PRDX3: variants seen among roughly 807,000 people sequenced by gnomAD.
The protein encoded by PRDX3 is thioredoxin-dependent peroxide reductase, mitochondrial.
PRDX3 carries 20 observed loss-of-function variants against 30.4 expected under a neutral mutation model. That is an observed-to-expected ratio of 0.66 (90% confidence interval 0.46 to 0.96). The LOEUF is 0.96. Among genes scored for constraint, PRDX3 ranks in the 40% least tolerant of loss-of-function variants. PRDX3 has a pLI of 0.00. For synonymous variants in PRDX3, 124 were observed against 117.8 expected (o/e 1.05, Z -0.34); for missense variants, 322 against 318.3 (o/e 1.01, Z -0.09).
Position 119,178,812 on chromosome 10 carries a change from C to A in PRDX3, c.-22G>T. The A allele has an allele frequency of 6.8e-7, 1 of 1,476,758 alleles. No individual in the cohort carries two copies. The highest frequency in any genetic ancestry group is 9.1e-7 in the Non-Finnish European group (1 of 1,102,426). 91.5% of individuals were successfully genotyped at this position (1,476,758 alleles called of 1,614,324 possible). On this transcript the variant is annotated 5_prime_UTR_variant, in exon 1 of 7. Transcript: ENST00000298510. ...CCATCTTCAGTGCACTCGGGCGCCACGGGGCGGGCAGAGACGCAGGGGCGG... is the reference window on the plus strand; with the variant it reads ...CCATCTTCAGTGCACTCGGGCGCCAAGGGGCGGGCAGAGACGCAGGGGCGG...
intron 3 of PRDX3, 99 bp downstream of exon 3, chr10:119,174,352 C>A: frequency 7.4e-7 from 1 of 1,355,130 alleles, no homozygotes; most frequent in Non-Finnish European, 1.0e-6. Context: ...AAGAATCCTT[C>A]CTTTCACAAG....
rs1186287015 is a variant in PRDX3 at position 119,174,505 on chromosome 10, C to T, written c.257G>A (p.Ser86Asn). 1.9e-6 allele frequency: 3 copies of T among 1,612,628 alleles called. No homozygotes were observed. Among genetic ancestry groups the T allele is most frequent in the Non-Finnish European group, 2.5e-6 (3 of 1,179,530 alleles). ...AVVNGEFKDL[S>N]LDDFKGKYLV... Reference sequence around the variant, plus strand: ...ATATTTCCCCTTAAAGTCATCAAGGCTTAGGTCTTTGAACTCTCCATTGAC... The same window carrying T: ...ATATTTCCCCTTAAAGTCATCAAGGTTTAGGTCTTTGAACTCTCCATTGAC... The change falls in exon 3 of 7, where the codon AGC becomes AAC. Residue 86 changes from serine to asparagine, a missense_variant. Coordinates refer to ENST00000298510, the MANE Select transcript of PRDX3 (RefSeq NM_006793.5).
chr10:119,177,717 G>T (rs532854432), intron 1 of PRDX3, among the ~76,000 whole-genome samples: 2 of 148,704 alleles, frequency 1.3e-5, no homozygotes, highest in African/African-American at 2.5e-5. Context: ...GAAGCCAGGG[G>T]ACTTGTGCAG....
At position 119,173,233 on chromosome 10, in the gene PRDX3, C is replaced by T. The variant is rs545326713; in HGVS notation, c.447+504G>A. Among the ~76,000 whole-genome samples the T allele has an allele frequency of 4.6e-5, 7 of 152,282 alleles. No individual in the cohort carries two copies. The South Asian group carries it at 1.0e-3, about 23-fold the overall frequency. On this transcript the variant is annotated intron_variant, in intron 4 of 6. Transcript: ENST00000298510. ...GATTACAGGCGTGAGCCATCACGCC[C>T]GGCTGCTTTTTCTAATTCTTAAAGC...
intron 1 of PRDX3, 91 bp from the exon 2 acceptor site, chr10:119,177,244 C>A: frequency 1.4e-6 from 2 of 1,389,586 alleles, no homozygotes; most frequent in East Asian, 2.4e-5. Flanking sequence ...TCAGCTGTCC[C>A]TGTTCCTGTG....
At chr10:119,176,978 T>C (rs1378407126) in intron 2 of PRDX3, 43 bp downstream of exon 2, 1 of 1,612,182 alleles carries the variant, frequency 6.2e-7, no homozygotes, top group South Asian at 1.1e-5. Context: ...ATGGTTCATT[T>C]TTCCTTTACC....
At chr10:119,175,274 G>T (rs1848000187) in intron 2 of PRDX3, among the ~76,000 whole-genome samples, 1 of 152,202 alleles carries the variant, frequency 6.6e-6, no homozygotes, top group Admixed American at 6.6e-5. Context: ...GCAGCGTGTG[G>T]CAGTCTAATG....
chr10:119,172,397 G>C lies in PRDX3; in HGVS notation c.536C>G (p.Ser179Cys), dbSNP rs760784530. 1.2e-6 allele frequency: 2 copies of C among 1,612,852 alleles called. No homozygotes were observed. Among genetic ancestry groups the C allele is most frequent in the Non-Finnish European group, 8.5e-7 (1 of 1,178,814 alleles). ...AGGATCTTACCTTAGTGCAAGACCAGAACCTTCTAACAGCACACCGTAGTC... is the reference window on the plus strand; with the variant it reads ...AGGATCTTACCTTAGTGCAAGACCACAACCTTCTAACAGCACACCGTAGTC... ...SRDYGVLLEG[S>C]GLALRGLFII... The change falls in exon 5 of 7, where the codon TCT becomes TGT. Residue 179 changes from serine to cysteine, a missense_variant. Transcript: ENST00000298510.
rs1197767009 is a variant in PRDX3 at position 119,178,800 on chromosome 10, A to C, written c.-10T>G. ...CTACAGCAGCCGCCATCTTCAGTGC[A>C]CTCGGGCGCCACGGGGCGGGCAGAG... is the stretch of plus-strand genomic sequence containing the variant. On this transcript the variant is annotated 5_prime_UTR_variant, in exon 1 of 7. Coordinates refer to ENST00000298510, the MANE Select transcript of PRDX3 (RefSeq NM_006793.5). 1.9e-6 allele frequency: 3 copies of C among 1,551,660 alleles called. No homozygotes were observed. Among genetic ancestry groups the C allele is most frequent in the African/African-American group, 2.7e-5 (2 of 73,002 alleles).
rs554314600 is a variant in PRDX3, at chr10:119,169,239, A to G, written c.655T>C (p.Phe219Leu). Residue 219 changes from phenylalanine (F) to leucine (L), a missense_variant, in exon 6 of 7, where the codon TTC becomes CTC. Physicochemically the swap from Phe to Leu is conservative, Grantham distance 22. Transcript: ENST00000298510. Reference sequence around the variant, plus strand: ...TCTCCATGTGTTTCTACATACTGGAACGCCTTCACCAAGCGGAGGGTTTCT... The same window carrying G: ...TCTCCATGTGTTTCTACATACTGGAGCGCCTTCACCAAGCGGAGGGTTTCT... ...VEETLRLVKA[F>L]QYVETHGEVC... is the part of the protein sequence containing the mutation. 2 of 1,613,438 alleles carry G rather than the reference A, an allele frequency of 1.2e-6. No homozygotes were observed. The highest frequency in any genetic ancestry group is 4.5e-5 in the East Asian group (2 of 44,882).
chr10:119,178,036 T>TC (rs1274057069), intron 1 of PRDX3, among the ~76,000 whole-genome samples: 1 of 151,718 alleles, frequency 6.6e-6, no homozygotes, highest in Admixed American at 6.6e-5. Context: ...CCCGGCTATT[T>TC]TTTTTTTTAG....
chr10:119,168,362 T>G lies in PRDX3; in HGVS notation c.*118A>C, dbSNP rs1044326879. The G allele has an allele frequency of 2.7e-5, 42 of 1,537,590 alleles. 1 individual carries two copies. The South Asian group carries it at 5.0e-4, about 18-fold the overall frequency. Reference sequence around the variant, plus strand: ...AACAAAACATTTAGAGTAATACTTATGAATACAAGCATAATTGGTTCCTTG... The same window carrying G: ...AACAAAACATTTAGAGTAATACTTAGGAATACAAGCATAATTGGTTCCTTG... On this transcript the variant is annotated 3_prime_UTR_variant, in exon 7 of 7. Transcript: ENST00000298510.
chr10:119,169,476 G>T, intron 5 of PRDX3, 134 bp from the exon 6 acceptor site: 1 of 770,898 alleles, frequency 1.3e-6, no homozygotes. Context: ...TAAAGGTGGG[G>T]TTTTCACTGT....
At chr10:119,176,200 C>T (rs1349488578) in intron 2 of PRDX3, among the ~76,000 whole-genome samples, 2 of 152,080 alleles carry the variant, frequency 1.3e-5, no homozygotes, top group Admixed American at 6.6e-5. Flanking sequence ...CAGGAATGAG[C>T]GACAGAGTAG....
rs968055856 is a variant in PRDX3, at chr10:119,168,240, G to A, written c.*240C>T. ...CTTCTATAGAGGCAAATTATGTTCT[G>A]TAGAAACTAGCTAGCCAGCCACCAA... On this transcript the variant is annotated 3_prime_UTR_variant, in exon 7 of 7. Transcript: ENST00000298510. The A allele has an allele frequency of 1.2e-5, 8 of 691,396 alleles. No homozygotes were observed. In the African/African-American group the frequency reaches 1.3e-4, roughly 11 times the overall value. 42.8% of individuals were successfully genotyped at this position (691,396 alleles called of 1,614,324 possible).
At chr10:119,178,732 G>A in intron 1 of PRDX3, 23 bp downstream of exon 1, 1 of 1,551,092 alleles carries the variant, frequency 6.4e-7, no homozygotes, top group Non-Finnish European at 8.7e-7. Context: ...CTCCACGCCT[G>A]TCCCCAGCCG....
At chr10:119,169,025 C>T (rs1847836643) in intron 6 of PRDX3, 152 bp downstream of exon 6, 2 of 808,684 alleles carry the variant, frequency 2.5e-6, no homozygotes, top group South Asian at 1.8e-5. Flanking sequence ...GGCTCCCCAC[C>T]CCACCCCCTC....
In PRDX3 at chr10:119,169,260, T is replaced by C; in HGVS notation, c.634A>G (p.Thr212Ala). Residue 212 changes from threonine to alanine, a missense_variant, in exon 6 of 7, where the codon ACC becomes GCC. Coordinates refer to ENST00000298510, the MANE Select transcript of PRDX3 (RefSeq NM_006793.5). Reference sequence around the variant, plus strand: ...TGGAACGCCTTCACCAAGCGGAGGGTTTCTTCCACGCTTCGGCCCACTGGG... The same window carrying C: ...TGGAACGCCTTCACCAAGCGGAGGGCTTCTTCCACGCTTCGGCCCACTGGG... Reference protein sequence around the residue: ...DLPVGRSVEETLRLVKAFQYV... With the variant: ...DLPVGRSVEEALRLVKAFQYV... 1 of 1,613,586 alleles carries C rather than the reference T, an allele frequency of 6.2e-7. No individual in the cohort carries two copies. The highest frequency in any genetic ancestry group is 1.1e-5 in the South Asian group (1 of 91,038).
chr10:119,173,644 T>G, intron 4 of PRDX3, 93 bp downstream of exon 4: 1 of 1,407,068 alleles, frequency 7.1e-7, no homozygotes, highest in East Asian at 2.4e-5. Context: ...AACCCTTGCG[T>G]AATTTGATCT....
Sources: allele counts gnomAD v4.1 joint callset (sites outside exome capture counted in the v4.1 genomes callset), GRCh38; gene constraint gnomAD v4.1.1; transcripts MANE v1.5; gene names NCBI Gene and HGNC (gene_info 2026-07-23, HGNC 2026-07-21).